DLG2: variants seen among roughly 807,000 people sequenced by gnomAD.
DLG2 encodes the protein discs large MAGUK scaffold protein 2, also known as disks large homolog 2.
A neutral mutation model predicts 132.5 loss-of-function variants in DLG2; 45 were observed. The ratio of observed to expected loss-of-function variants is 0.34; its 90% CI spans 0.27 to 0.44. DLG2 has a LOEUF of 0.44. DLG2 is among the 20% of genes least tolerant of loss of function. DLG2 has a pLI of 1.00. For synonymous variants in DLG2, 424 were observed against 419.6 expected, an observed-to-expected ratio of 1.01 and a Z score of -0.13; for missense variants, 1,045 against 1,196.9, an observed-to-expected ratio of 0.87 and a Z score of 1.87.
intron 3 of DLG2, among the ~76,000 whole-genome samples, chr11:85,288,836 G>A (rs1033828496): frequency 6.6e-6 from 1 of 151,900 alleles, no homozygotes; most frequent in Non-Finnish European, 1.5e-5. Flanking sequence ...ACAGTTTCAT[G>A]AGCAGTATTT....
intron 5 of DLG2, among the ~76,000 whole-genome samples, chr11:85,147,941 C>A (rs1002531616): frequency 2.0e-5 from 3 of 150,536 alleles, no homozygotes; most frequent in Non-Finnish European, 4.4e-5. Flanking sequence ...GTGTGTTATT[C>A]CCCACACTGT....
intron 3 of DLG2, among the ~76,000 whole-genome samples, chr11:85,592,836 C>T (rs982760744): frequency 6.6e-6 from 1 of 151,734 alleles, no homozygotes; most frequent in Non-Finnish European, 1.5e-5. Context: ...ACCAGTAGTC[C>T]CAGGTACCAG....
chr11:84,052,480 A>G (rs1000514832), intron 11 of DLG2, among the ~76,000 whole-genome samples: 2 of 151,926 alleles, frequency 1.3e-5, no homozygotes, highest in Non-Finnish European at 2.9e-5. Context: ...AGAATCTACA[A>G]AGAACTTAAA....
chr11:84,627,244 A>C (rs2099624431), intron 6 of DLG2, among the ~76,000 whole-genome samples: 1 of 152,208 alleles, frequency 6.6e-6, no homozygotes, highest in African/African-American at 2.4e-5. Context: ...CATTCACTTT[A>C]AACACAAGCC....
chr11:84,662,920 G>T (rs575956249), intron 6 of DLG2, among the ~76,000 whole-genome samples: 1 of 152,068 alleles, frequency 6.6e-6, no homozygotes, highest in East Asian at 1.9e-4. Flanking sequence ...AACAAATTGG[G>T]GCATTTTCTG....
At chr11:85,200,207 G>T (rs2081363723) in intron 4 of DLG2, among the ~76,000 whole-genome samples, 1 of 152,132 alleles carries the variant, frequency 6.6e-6, no homozygotes, top group Non-Finnish European at 1.5e-5. Context: ...TTCAAGCCTA[G>T]AAACAGCCCA....
At chr11:84,895,057 C>G (rs768344482) in intron 6 of DLG2, among the ~76,000 whole-genome samples, 1 of 152,104 alleles carries the variant, frequency 6.6e-6, no homozygotes, top group African/African-American at 2.4e-5. Flanking sequence ...CTTACATATT[C>G]TCATCTAAAA....
chr11:84,261,851 C>A (rs2097551221), intron 7 of DLG2, among the ~76,000 whole-genome samples: 2 of 152,054 alleles, frequency 1.3e-5, no homozygotes, highest in South Asian at 4.1e-4. Context: ...CTTGGGGCAA[C>A]AGAATTAGAT....
chr11:83,815,965 G>A (rs193205879), intron 17 of DLG2, among the ~76,000 whole-genome samples: 6 of 152,180 alleles, frequency 3.9e-5, no homozygotes, highest in East Asian at 3.9e-4. Context: ...ATGCCAAGTC[G>A]GACCCACTCT....
chr11:83,519,630 G>T (rs996150808), intron 21 of DLG2, among the ~76,000 whole-genome samples: 2 of 152,110 alleles, frequency 1.3e-5, no homozygotes, highest in Admixed American at 1.3e-4. Flanking sequence ...AAAAACACCT[G>T]GCTTATATGT....
chr11:84,072,426 C>T (rs2096771409), intron 10 of DLG2, among the ~76,000 whole-genome samples: 1 of 152,146 alleles, frequency 6.6e-6, no homozygotes, highest in Non-Finnish European at 1.5e-5. Context: ...AGGAAAAATG[C>T]TATTAAAATT....
chr11:84,238,996 C>G (rs75557529), intron 8 of DLG2, among the ~76,000 whole-genome samples: 1 of 152,136 alleles, frequency 6.6e-6, no homozygotes, highest in African/African-American at 2.4e-5. Flanking sequence ...CATTGATCCA[C>G]ATGATCATGT....
At chr11:85,128,203 G>C (rs2075348400) in intron 5 of DLG2, among the ~76,000 whole-genome samples, 1 of 152,012 alleles carries the variant, frequency 6.6e-6, no homozygotes, top group Non-Finnish European at 1.5e-5. Flanking sequence ...ACATATTGCA[G>C]TTTTATTTGT....
At chr11:85,048,127 C>T (rs2062534040) in intron 6 of DLG2, among the ~76,000 whole-genome samples, 1 of 151,772 alleles carries the variant, frequency 6.6e-6, no homozygotes, top group Non-Finnish European at 1.5e-5. Context: ...CAATACATGA[C>T]ACAAAGCAAT....
At chr11:83,732,633 G>A (rs184209103) in intron 18 of DLG2, among the ~76,000 whole-genome samples, 34 of 152,234 alleles carry the variant, frequency 2.2e-4, no homozygotes, top group Admixed American at 1.8e-3. Context: ...AGGCTTTGTG[G>A]GTATTTGAGA....
intron 3 of DLG2, among the ~76,000 whole-genome samples, chr11:85,294,236 A>G (rs2079086239): frequency 6.6e-6 from 1 of 152,162 alleles, no homozygotes; most frequent in Non-Finnish European, 1.5e-5. Flanking sequence ...CTATTCTTAT[A>G]ACTTTTCTGT....
chr11:83,620,658 C>T (rs769186350), intron 19 of DLG2, among the ~76,000 whole-genome samples: 100 of 151,676 alleles, frequency 6.6e-4, no homozygotes, highest in Admixed American at 1.4e-3. Context: ...ATCACGAGGT[C>T]AGGAGATCGA....
intron 7 of DLG2, among the ~76,000 whole-genome samples, chr11:84,274,737 T>C (rs1187830748): frequency 1.3e-5 from 2 of 152,246 alleles, no homozygotes; most frequent in South Asian, 2.1e-4. Context: ...TTTTACCTAA[T>C]TTGTAGGGAA....
At chr11:85,109,717 T>G (rs2072396150) in intron 6 of DLG2, among the ~76,000 whole-genome samples, 1 of 152,170 alleles carries the variant, frequency 6.6e-6, no homozygotes. Context: ...ATAGGATTAC[T>G]GCCTTATTCA....
Sources: allele counts gnomAD v4.1 joint callset (sites outside exome capture counted in the v4.1 genomes callset), GRCh38; gene constraint gnomAD v4.1.1; transcripts MANE v1.5; gene names NCBI Gene and HGNC (gene_info 2026-07-23, HGNC 2026-07-21).